CMIP: variants seen among roughly 807,000 people sequenced by gnomAD.
The protein encoded by CMIP is c-Maf inducing protein.
CMIP carries 13 observed loss-of-function variants against 97.3 expected under a neutral mutation model. The ratio of observed to expected loss-of-function variants is 0.13; its 90% CI spans 0.09 to 0.21. CMIP has a LOEUF of 0.21. Ranked by LOEUF, CMIP falls within the 10% of genes least tolerant of loss-of-function variation. The pLI is 1.00. For synonymous variants in CMIP, 538 were observed against 436.3 expected (o/e 1.23, Z -2.91); for missense variants, 847 against 1,024.9 (o/e 0.83, Z 2.37).
intron 1 of CMIP, among the ~76,000 whole-genome samples, chr16:81,542,049 C>T (rs564300511): frequency 6.6e-5 from 10 of 152,194 alleles, no homozygotes; most frequent in Non-Finnish European, 1.3e-4. Flanking sequence ...ATAAAATGGT[C>T]GTGCCCCACC....
chr16:81,644,101 C>T (rs923278985), intron 3 of CMIP, among the ~76,000 whole-genome samples: 18 of 152,186 alleles, frequency 1.2e-4, no homozygotes, highest in African/African-American at 4.3e-4. Flanking sequence ...TGAAAACGAA[C>T]GAAACATGCA....
intron 3 of CMIP, among the ~76,000 whole-genome samples, chr16:81,629,737 C>T (rs952761939): frequency 3.3e-5 from 5 of 152,352 alleles, no homozygotes; most frequent in African/African-American, 1.2e-4. Context: ...CTCAGACATC[C>T]CAGTGCCGTG....
At chr16:81,706,487 C>T (rs937215672) in intron 19 of CMIP, among the ~76,000 whole-genome samples, 6 of 152,222 alleles carry the variant, frequency 3.9e-5, no homozygotes, top group East Asian at 3.9e-4. Context: ...CCACTGGAGT[C>T]CCCCGGGGGG....
At chr16:81,599,587 G>A (rs1567602770) in intron 1 of CMIP, among the ~76,000 whole-genome samples, 1 of 152,168 alleles carries the variant, frequency 6.6e-6, no homozygotes, top group Admixed American at 6.5e-5. Flanking sequence ...CTCATAATAT[G>A]TACTTGAGGT....
At chr16:81,662,942 C>G (rs1259491818) in intron 6 of CMIP, among the ~76,000 whole-genome samples, 1 of 152,136 alleles carries the variant, frequency 6.6e-6, no homozygotes, top group Non-Finnish European at 1.5e-5. Flanking sequence ...TCAGACCAAA[C>G]ATGCAGAATC....
At chr16:81,670,850 A>G (rs1318729583) in intron 8 of CMIP, among the ~76,000 whole-genome samples, 3 of 151,980 alleles carry the variant, frequency 2.0e-5, no homozygotes, top group African/African-American at 4.8e-5. Flanking sequence ...TTGTTTTGAG[A>G]TGGAGTCTCG....
intron 4 of CMIP, among the ~76,000 whole-genome samples, chr16:81,656,492 G>A (rs1318916685): frequency 3.9e-5 from 6 of 152,314 alleles, no homozygotes; most frequent in South Asian, 2.1e-4. Flanking sequence ...AACACACCAC[G>A]AAACTAGCAA....
intron 4 of CMIP, among the ~76,000 whole-genome samples, chr16:81,653,241 A>G (rs954885238): frequency 1.3e-5 from 2 of 152,066 alleles, no homozygotes; most frequent in Non-Finnish European, 2.9e-5. Context: ...CCTGACAGTG[A>G]TACCCCCGGT....
intron 7 of CMIP, chr16:81,664,843 A>G (rs2092586242): frequency 4.8e-6 from 1 of 208,460 alleles, no homozygotes; most frequent in Non-Finnish European, 9.5e-6. Flanking sequence ...TTCCCTTCAT[A>G]GGACGTATAA....
intron 1 of CMIP, among the ~76,000 whole-genome samples, chr16:81,580,495 G>A (rs112568626): frequency 0.074 from 11,234 of 150,962 alleles, 897 homozygotes; most frequent in African/African-American, 0.2. Flanking sequence ...GTGCAGTGGC[G>A]TGATCTCGGC....
At chr16:81,468,092 T>C (rs1216332664) in intron 1 of CMIP, among the ~76,000 whole-genome samples, 2 of 152,104 alleles carry the variant, frequency 1.3e-5, no homozygotes, top group Non-Finnish European at 2.9e-5. Flanking sequence ...TGTGGTCCTC[T>C]AGTCCAGGTG....
chr16:81,684,142 G>T (rs756890074), intron 10 of CMIP, among the ~76,000 whole-genome samples: 40 of 152,180 alleles, frequency 2.6e-4, no homozygotes, highest in Non-Finnish European at 5.3e-4. Context: ...TTTAAGGCCA[G>T]CAGATGTGCT....
chr16:81,626,617 G>A (rs1275730416), intron 3 of CMIP, among the ~76,000 whole-genome samples: 2 of 148,622 alleles, frequency 1.3e-5, no homozygotes, highest in African/African-American at 5.0e-5. Context: ...GTGCGTGTGT[G>A]TGTGGTGTGT....
chr16:81,663,174 A>C (rs2092566168), intron 6 of CMIP, among the ~76,000 whole-genome samples: 1 of 152,114 alleles, frequency 6.6e-6, no homozygotes, highest in East Asian at 1.9e-4. Flanking sequence ...CTGTCCACAC[A>C]AACATCTACA....
chr16:81,565,523 A>C (rs1187819490), intron 1 of CMIP, among the ~76,000 whole-genome samples: 1 of 151,720 alleles, frequency 6.6e-6, no homozygotes, highest in African/African-American at 2.4e-5. Context: ...TGCCCTTCTC[A>C]CTCCAGTCTT....
Position 81,678,540 on chromosome 16 carries a change from G to T in CMIP, c.1300G>T (p.Val434Phe). ...SEPNLIDCLMVSPACSTMSIE... is the reference protein window; with the variant it reads ...SEPNLIDCLMFSPACSTMSIE... Reference sequence around the variant, plus strand: ...GCCCAACCTCATCGACTGCCTCATGGTCAGCCCCGCCTGCAGCACCATGAG... The same window carrying T: ...GCCCAACCTCATCGACTGCCTCATGTTCAGCCCCGCCTGCAGCACCATGAG... Residue 434 changes from valine (V) to phenylalanine (F), a missense_variant, in exon 10 of 21, where the codon GTC becomes TTC. Around this residue, in one of 4 missense-constraint regions of CMIP, gnomAD observed 202 missense variants for 168.7 expected, o/e 1.20. Coordinates refer to ENST00000537098, the MANE Select transcript of CMIP (RefSeq NM_198390.3). 6.2e-7 allele frequency: 1 copy of T among 1,606,926 alleles called. No homozygotes were observed.
intron 2 of CMIP, 69 bp downstream of exon 2, chr16:81,607,761 C>T: frequency 1.3e-6 from 2 of 1,533,110 alleles, no homozygotes; most frequent in South Asian, 1.2e-5. Context: ...CCCTCGTTTC[C>T]CTTGGAGGGA....
intron 1 of CMIP, among the ~76,000 whole-genome samples, chr16:81,522,215 C>T (rs554015511): frequency 1.6e-4 from 24 of 152,278 alleles, no homozygotes; most frequent in East Asian, 1.9e-4. Flanking sequence ...CATTGGCGAT[C>T]GATGATGTCA....
chr16:81,620,485 A>C (rs1395717008), intron 2 of CMIP: 1 of 203,302 alleles, frequency 4.9e-6, no homozygotes, highest in Non-Finnish European at 1.0e-5. Context: ...TTCCTAGAAC[A>C]GTCCTCATAC....
Sources: gnomAD v4.1 joint callset for allele counts (sites outside exome capture counted in the v4.1 genomes callset) on GRCh38, gnomAD v4.1.1 for gene constraint, gnomAD v4.1.1 regional missense constraint, MANE v1.5 for transcripts, NCBI Gene and HGNC (gene_info 2026-07-23, HGNC 2026-07-21) for gene names.